Variants in ZNF536 observed in about 807,000 individuals in gnomAD.
ZNF536 encodes zinc finger protein 536.
A neutral mutation model predicts 84.5 loss-of-function variants in ZNF536; 13 were observed. The observed-to-expected ratio is 0.15, with a 90% CI of 0.10 to 0.24. ZNF536 has a LOEUF of 0.24. Among genes scored for constraint, ZNF536 ranks in the 10% least tolerant of loss-of-function variants. The pLI, the probability that ZNF536 is intolerant of heterozygous loss-of-function variation, is 1.00. For missense variants in ZNF536, 1,536 were observed against 1,747.5 expected (o/e 0.88, Z 2.16); for synonymous variants, 811 against 742.5 (o/e 1.09, Z -1.50).
At chr19:30,452,714 C>T (rs1410162251) in intron 2 of ZNF536, among the ~76,000 whole-genome samples, 1 of 152,098 alleles carries the variant, frequency 6.6e-6, no homozygotes. Context: ...TGGAGAAACA[C>T]CTGCAGAGAT....
chr19:30,561,168 A>G (rs1411032893), downstream of ZNF536, among the ~76,000 whole-genome samples: 3 of 152,252 alleles, frequency 2.0e-5, no homozygotes, highest in Non-Finnish European at 4.4e-5. Context: ...AAGGCAACCA[A>G]GCGGGGAAAG....
chr19:30,626,342 A>G (rs900098364), intron 1 of ZNF536, among the ~76,000 whole-genome samples: 5 of 151,994 alleles, frequency 3.3e-5, no homozygotes, highest in Non-Finnish European at 7.4e-5. Flanking sequence ...TTATTAAAAT[A>G]AGATTTTCTG....
intron 1 of ZNF536, among the ~76,000 whole-genome samples, chr19:30,374,843 G>C (rs1456459166): frequency 1.3e-5 from 2 of 151,550 alleles, no homozygotes; most frequent in African/African-American, 4.8e-5. Flanking sequence ...GGGTCCGGCC[G>C]GGGGAGCGGA....
At chr19:30,267,296 T>A (rs960651072) in intron 1 of ZNF536, among the ~76,000 whole-genome samples, 1 of 152,228 alleles carries the variant, frequency 6.6e-6, no homozygotes, top group Non-Finnish European at 1.5e-5. Flanking sequence ...AAAATACCAA[T>A]ACATTCCTGA....
chr19:30,671,529 G>C (rs1378584283), intron 1 of ZNF536, among the ~76,000 whole-genome samples: 2 of 152,124 alleles, frequency 1.3e-5, no homozygotes, highest in Non-Finnish European at 1.5e-5. Flanking sequence ...GTGCAGAGCA[G>C]GAAGAACTGA....
intron 2 of ZNF536, among the ~76,000 whole-genome samples, chr19:30,461,184 C>T (rs556483477): frequency 3.3e-5 from 5 of 152,222 alleles, no homozygotes; most frequent in South Asian, 2.1e-4. Flanking sequence ...AGCGTATCAG[C>T]GGTTGTGTAA....
intron 1 of ZNF536, among the ~76,000 whole-genome samples, chr19:30,637,576 C>T (rs554714062): frequency 3.5e-4 from 53 of 152,226 alleles, no homozygotes; most frequent in Non-Finnish European, 6.3e-4. Context: ...AAGCATTCAT[C>T]CTTTACGCTT....
rs371808968 is a variant in ZNF536, at chr19:30,529,991, C to G, written c.2171-4856C>G. Among the ~76,000 whole-genome samples the G allele has an allele frequency of 5.5e-4, 84 of 152,302 alleles. 2 individuals carry two copies. In the South Asian group the frequency reaches 0.017, roughly 31 times the overall value. ...GCTGTTTCTCCATCAAGTGGGAGCC[C>G]AGAGCACACCCAGGCTGAGGGTGCA... is the stretch of plus-strand genomic sequence containing the variant. On this transcript the variant is annotated intron_variant, in intron 2 of 4. Coordinates refer to ENST00000355537, the MANE Select transcript of ZNF536 (RefSeq NM_014717.3).
chr19:30,396,120 T>C (rs970348011), intron 1 of ZNF536, among the ~76,000 whole-genome samples: 3 of 152,196 alleles, frequency 2.0e-5, no homozygotes, highest in Admixed American at 6.5e-5. Flanking sequence ...CTCTCTGCTC[T>C]GCCTACTTCA....
chr19:30,453,834 T>C (rs2052718123), intron 2 of ZNF536, among the ~76,000 whole-genome samples: 1 of 152,228 alleles, frequency 6.6e-6, no homozygotes, highest in Admixed American at 6.5e-5. Flanking sequence ...CAAGAGAAAG[T>C]TGTCCAGGGC....
At chr19:30,440,219 C>T (rs2051971973) in intron 1 of ZNF536, among the ~76,000 whole-genome samples, 1 of 151,904 alleles carries the variant, frequency 6.6e-6, no homozygotes, top group African/African-American at 2.4e-5. Flanking sequence ...CCTCAGTCTC[C>T]CAAAGTGCTG....
In ZNF536 at chr19:30,534,936, C is replaced by T. The variant is rs2145935754; in HGVS notation, c.2260C>T (p.Pro754Ser). The T allele has an allele frequency of 6.2e-7, 1 of 1,613,968 alleles. No individual in the cohort carries two copies. Among genetic ancestry groups the T allele is most frequent in the Non-Finnish European group, 8.5e-7 (1 of 1,179,914 alleles). ...RSLGSAMKDCPYCGKTFRTSH... is the reference protein window; with the variant it reads ...RSLGSAMKDCSYCGKTFRTSH... Reference sequence around the variant, plus strand: ...CCTGGGCTCGGCCATGAAGGACTGCCCGTACTGTGGGAAAACTTTCCGGAC... The same window carrying T: ...CCTGGGCTCGGCCATGAAGGACTGCTCGTACTGTGGGAAAACTTTCCGGAC... Residue 754 changes from proline to serine, a missense_variant, in exon 3 of 5, where the codon CCG becomes TCG. Physicochemically the swap from Pro to Ser is moderately conservative, Grantham distance 74 (BLOSUM62 -1). Coordinates refer to ENST00000355537, the MANE Select transcript of ZNF536 (RefSeq NM_014717.3).
intron 2 of ZNF536, among the ~76,000 whole-genome samples, chr19:30,531,425 G>T (rs1486856755): frequency 2.7e-4 from 41 of 151,508 alleles, no homozygotes; most frequent in Non-Finnish European, 1.5e-5. Context: ...CATTTCTCCT[G>T]CAGTGTCTTC....
chr19:30,596,672 GA>G (rs111663221), intron 1 of ZNF536, among the ~76,000 whole-genome samples: 245 of 148,732 alleles, frequency 1.6e-3, no homozygotes, highest in African/African-American at 4.2e-3. Context: ...TGCAAAAAGG[GA>G]AAAAAAAAAG....
At chr19:30,297,904 C>A (rs1489022484) in intron 2 of ZNF536, among the ~76,000 whole-genome samples, 4 of 79,278 alleles carry the variant, frequency 5.0e-5, no homozygotes, top group African/African-American at 7.7e-5. Flanking sequence ...AAGACGGAGT[C>A]CCCCCCCCCT....
At chr19:30,655,529 TC>T (rs2049876895) in intron 1 of ZNF536, among the ~76,000 whole-genome samples, 1 of 152,020 alleles carries the variant, frequency 6.6e-6, no homozygotes, top group Non-Finnish European at 1.5e-5. Flanking sequence ...GAGTTTGCCG[TC>T]AACTCAGAGA....
At chr19:30,557,019 G>T in intron 4 of ZNF536, 138 bp from the exon 5 acceptor site, 2 of 986,642 alleles carry the variant, frequency 2.0e-6, no homozygotes, top group East Asian at 2.4e-5. Flanking sequence ...AGAGACAGAA[G>T]GACCAAATTT....
At chr19:30,484,390 C>CT (rs375461433) in intron 2 of ZNF536, among the ~76,000 whole-genome samples, 6,470 of 117,318 alleles carry the variant, frequency 0.055, 346 homozygotes, top group African/African-American at 0.12. Context: ...TCATGCCCAG[C>CT]TTTTTTTTTT....
chr19:30,491,509 G>A (rs1032368610), intron 2 of ZNF536, among the ~76,000 whole-genome samples: 10 of 152,038 alleles, frequency 6.6e-5, no homozygotes, highest in African/African-American at 2.2e-4. Flanking sequence ...CTTTTGTTGC[G>A]ATCTCCCAGA....
Sources: gnomAD v4.1 joint callset for allele counts (sites outside exome capture counted in the v4.1 genomes callset) on GRCh38, gnomAD v4.1.1 for gene constraint, MANE v1.5 for transcripts, NCBI Gene and HGNC (gene_info 2026-07-23, HGNC 2026-07-21) for gene names.